Variants in NKAIN3 observed in about 807,000 individuals in gnomAD.
NKAIN3 encodes sodium/potassium-transporting ATPase subunit beta-1-interacting protein 3.
NKAIN3 carries 25 observed loss-of-function variants against 30.2 expected under a neutral mutation model. The observed-to-expected ratio is 0.83, with a 90% CI of 0.60 to 1.16. The LOEUF (loss-of-function observed/expected upper bound fraction) is 1.16, where lower values mean the gene tolerates loss of function less well. Ranked by LOEUF, NKAIN3 falls within the 50% of genes most tolerant of loss-of-function variation. The pLI is 0.00. For missense variants in NKAIN3, 225 were observed against 254.1 expected, an observed-to-expected ratio of 0.89 and a Z score of 0.78; for synonymous variants, 91 against 89.6, an observed-to-expected ratio of 1.02 and a Z score of -0.09.
intron 1 of NKAIN3, among the ~76,000 whole-genome samples, chr8:62,459,956 AC>A (rs1242499500): frequency 2.6e-5 from 4 of 152,224 alleles, no homozygotes; most frequent in African/African-American, 9.6e-5. Context: ...AAGTAACATG[AC>A]ATGACTTTAT....
At chr8:62,599,490 G>A (rs1418401055) in intron 3 of NKAIN3, among the ~76,000 whole-genome samples, 1 of 151,952 alleles carries the variant, frequency 6.6e-6, no homozygotes, top group Non-Finnish European at 1.5e-5. Flanking sequence ...AAATGATCTT[G>A]GCATATTGTG....
rs1823812078 is a variant in NKAIN3 at position 62,970,535 on chromosome 8, A to G, written c.*5128A>G. ...AATGCTAAACATTTTTAAAAACTGAAATATTTAAAGAATCCAAAATATGCT... is the reference window on the plus strand; with the variant it reads ...AATGCTAAACATTTTTAAAAACTGAGATATTTAAAGAATCCAAAATATGCT... On this transcript the variant is annotated 3_prime_UTR_variant, in exon 7 of 7. Transcript: ENST00000623646. Among the ~76,000 whole-genome samples, 1 of 152,170 alleles carries G rather than the reference A, an allele frequency of 6.6e-6. No homozygotes were observed. Among genetic ancestry groups the G allele is most frequent in the South Asian group, 2.1e-4 (1 of 4,836 alleles).
intron 3 of NKAIN3, among the ~76,000 whole-genome samples, chr8:62,617,300 C>T (rs892340198): frequency 6.6e-6 from 1 of 152,146 alleles, no homozygotes; most frequent in African/African-American, 2.4e-5. Flanking sequence ...AAAAGACACT[C>T]CCATTACCCA....
chr8:62,441,926 G>A (rs1211341070), intron 1 of NKAIN3, among the ~76,000 whole-genome samples: 1 of 151,900 alleles, frequency 6.6e-6, no homozygotes, highest in Admixed American at 6.6e-5. Flanking sequence ...AAGTTTCCCA[G>A]ACTTTGATTA....
rs1586273691 is a variant in NKAIN3 at position 62,855,721 on chromosome 8, A to C, written c.472-62732A>C. 7 of 1,546,856 alleles carry C rather than the reference A, an allele frequency of 4.5e-6. No individual in the cohort carries two copies. In the East Asian group the frequency reaches 1.6e-4, roughly 35 times the overall value. The stretch of plus-strand genomic sequence containing the variant: ...ATGTGAAGCGGAGCTTCTGAACGAT[A>C]GCCTTCATCTTGTCCACCTGCTCTG... On this transcript the variant is annotated intron_variant, in intron 4 of 6. Transcript: ENST00000623646.
At chr8:62,956,797 C>T (rs1823430529) in intron 6 of NKAIN3, among the ~76,000 whole-genome samples, 1 of 152,056 alleles carries the variant, frequency 6.6e-6, no homozygotes, top group Non-Finnish European at 1.5e-5. Flanking sequence ...TGAGATTTGA[C>T]CCTTAGCAGC....
intron 3 of NKAIN3, among the ~76,000 whole-genome samples, chr8:62,731,266 CA>C (rs1338239937): frequency 4.0e-5 from 6 of 151,846 alleles, no homozygotes; most frequent in African/African-American, 1.5e-4. Flanking sequence ...CACACACACA[CA>C]CACACACCCT....
At chr8:62,322,117 C>T (rs902410390) in intron 1 of NKAIN3, among the ~76,000 whole-genome samples, 1 of 152,172 alleles carries the variant, frequency 6.6e-6, no homozygotes, top group Non-Finnish European at 1.5e-5. Context: ...GGGCGTAGGA[C>T]CCTCCGAGCC....
At chr8:62,370,431 A>G (rs945248829) in intron 1 of NKAIN3, among the ~76,000 whole-genome samples, 1 of 152,000 alleles carries the variant, frequency 6.6e-6, no homozygotes, top group Non-Finnish European at 1.5e-5. Flanking sequence ...ATGGGGGGGA[A>G]CAAAAGACAA....
rs1439300912 is a variant in NKAIN3, at chr8:62,970,153, G to A, written c.*4746G>A. ...GGGAAGGGAAGATTACTTGAGCCCA[G>A]GAATTAGAGGCTGCAGTGAGTGCAC... On this transcript the variant is annotated 3_prime_UTR_variant, in exon 7 of 7. Coordinates refer to ENST00000623646, the MANE Select transcript of NKAIN3 (RefSeq NM_001304533.3). Among the ~76,000 whole-genome samples, 1 of 152,040 alleles carries A rather than the reference G, an allele frequency of 6.6e-6. No individual in the cohort carries two copies. The highest frequency in any genetic ancestry group is 2.4e-5 in the African/African-American group (1 of 41,380).
intron 3 of NKAIN3, among the ~76,000 whole-genome samples, chr8:62,640,995 A>G (rs1250955259): frequency 2.0e-5 from 3 of 151,388 alleles, no homozygotes; most frequent in Admixed American, 6.6e-5. Context: ...GAGAAATAGA[A>G]AAGCCTCATT....
chr8:62,772,791 G>T (rs934166400), intron 4 of NKAIN3, among the ~76,000 whole-genome samples: 1 of 151,588 alleles, frequency 6.6e-6, no homozygotes, highest in East Asian at 2.0e-4. Flanking sequence ...CTCCCAAGTA[G>T]CTGGGACTAC....
At position 62,287,963 on chromosome 8, in the gene NKAIN3, G is replaced by A. The variant is rs553599936; in HGVS notation, c.54+38836G>A. 3.3e-5 allele frequency among the ~76,000 whole-genome samples: 5 copies of A among 152,206 alleles called. No individual in the cohort carries two copies. The East Asian group carries it at 9.7e-4, about 29-fold the overall frequency. On this transcript the variant is annotated intron_variant, in intron 1 of 6. Coordinates refer to ENST00000623646, the MANE Select transcript of NKAIN3 (RefSeq NM_001304533.3). ...TGTTCTAGCACTTCCTAGTTTCCACGTGTTTTCTCACCTAATGACCTCTTT... is the reference window on the plus strand; with the variant it reads ...TGTTCTAGCACTTCCTAGTTTCCACATGTTTTCTCACCTAATGACCTCTTT...
chr8:62,638,496 G>A (rs1328445767), intron 3 of NKAIN3, among the ~76,000 whole-genome samples: 1 of 152,104 alleles, frequency 6.6e-6, no homozygotes, highest in African/African-American at 2.4e-5. Flanking sequence ...AAAATCTTCT[G>A]TATTATCTTG....
At chr8:62,817,511 A>G (rs1818720803) in intron 4 of NKAIN3, among the ~76,000 whole-genome samples, 1 of 152,012 alleles carries the variant, frequency 6.6e-6, no homozygotes, top group African/African-American at 2.4e-5. Context: ...CTAGGCTTTC[A>G]GTTGAGAACC....
intron 4 of NKAIN3, chr8:62,855,569 T>C: frequency 6.4e-7 from 1 of 1,563,922 alleles, no homozygotes. Context: ...CAATCTTTTA[T>C]TCATTGCTTC....
intron 1 of NKAIN3, among the ~76,000 whole-genome samples, chr8:62,344,470 C>T (rs559751539): frequency 6.6e-6 from 1 of 152,130 alleles, no homozygotes; most frequent in South Asian, 2.1e-4. Context: ...AATGTGAACA[C>T]TAGATTACCC....
chr8:62,519,842 G>T (rs1006141099), intron 1 of NKAIN3, among the ~76,000 whole-genome samples: 5 of 152,142 alleles, frequency 3.3e-5, no homozygotes, highest in African/African-American at 1.2e-4. Context: ...TAGAGTACAA[G>T]ACTCAAGCCA....
intron 1 of NKAIN3, among the ~76,000 whole-genome samples, chr8:62,552,765 C>T (rs578242238): frequency 8.5e-5 from 13 of 152,258 alleles, no homozygotes; most frequent in Admixed American, 1.3e-4. Flanking sequence ...TCATTAAAAA[C>T]GCCACTTCTC....
Sources: gnomAD v4.1 joint callset for allele counts (sites outside exome capture counted in the v4.1 genomes callset) on GRCh38, gnomAD v4.1.1 for gene constraint, MANE v1.5 for transcripts, NCBI Gene and HGNC (gene_info 2026-07-23, HGNC 2026-07-21) for gene names.